The following DMXL1 variants were observed in gnomAD, a reference collection of about 807,000 sequenced individuals.
The protein encoded by DMXL1 is Dmx like 1.
A neutral mutation model predicts 319.2 loss-of-function variants in DMXL1; 99 were observed. The observed-to-expected ratio is 0.31, with a 90% CI of 0.26 to 0.37. The LOEUF is 0.37. Among genes scored for constraint, DMXL1 ranks in the 10% least tolerant of loss-of-function variants. The probability of loss-of-function intolerance (pLI) is 1.00; values close to 1 mark genes in which losing one functional copy is unlikely to be tolerated. For missense variants in DMXL1, 3,745 were observed against 3,595.6 expected (o/e 1.04, Z -1.06); for synonymous variants, 1,385 against 1,235.2 (o/e 1.12, Z -2.54).
intron 32 of DMXL1, 79 bp from the exon 33 acceptor site, chr5:119,203,237 TTTA>T: frequency 1.1e-6 from 1 of 874,606 alleles, no homozygotes; most frequent in Non-Finnish European, 1.7e-6. Flanking sequence ...TTTATTATAA[TTTA>T]TATGGCACCA....
intron 18 of DMXL1, among the ~76,000 whole-genome samples, chr5:119,151,549 C>G (rs1437043341): frequency 6.6e-6 from 1 of 152,066 alleles, no homozygotes; most frequent in African/African-American, 2.4e-5. Context: ...AACTGTTTCT[C>G]CCAGTGTTAA....
At chr5:119,209,274 C>T (rs1044053649) in intron 34 of DMXL1, among the ~76,000 whole-genome samples, 1 of 151,682 alleles carries the variant, frequency 6.6e-6, no homozygotes, top group African/African-American at 2.4e-5. Context: ...TTTTGTGAAA[C>T]TATTCAAATA....
intron 1 of DMXL1, among the ~76,000 whole-genome samples, chr5:119,093,937 A>G (rs1206337955): frequency 1.3e-5 from 2 of 152,230 alleles, no homozygotes; most frequent in Admixed American, 6.5e-5. Flanking sequence ...GGGAGAGGTG[A>G]GGAAGCTGCA....
chr5:119,112,584 C>T (rs13169691), intron 5 of DMXL1, among the ~76,000 whole-genome samples: 15,987 of 152,158 alleles, frequency 0.11, 1,106 homozygotes, highest in Non-Finnish European at 0.16. Flanking sequence ...GGAGCTCGTT[C>T]CATGTATTTT....
Position 119,171,279 on chromosome 5 carries a change from A to G in DMXL1, c.6488A>G (p.Gln2163Arg), listed in dbSNP as rs773004359. 6 of 1,581,970 alleles carry G rather than the reference A, an allele frequency of 3.8e-6. No individual in the cohort carries two copies. In the South Asian group the frequency reaches 4.6e-5, roughly 12 times the overall value. ...ELILLLQESQ[Q>R]ETSEPLFSSP... ...ATTTTGCTTTTGCAAGAATCTCAGC[A>G]GGTATGTAATTTACTTGATAGTCAA... Residue 2163 changes from glutamine (Q) to arginine (R), a missense_variant and splice_region_variant, in exon 24 of 44, where the codon CAG (glutamine) becomes CGG (arginine). Transcript: ENST00000539542.
At chr5:119,171,360 A>C in intron 24 of DMXL1, 80 bp downstream of exon 24, 1 of 1,388,702 alleles carries the variant, frequency 7.2e-7, no homozygotes, top group Non-Finnish European at 9.7e-7. Context: ...TTGAATACTA[A>C]GACTTGATTT....
intron 30 of DMXL1, among the ~76,000 whole-genome samples, chr5:119,195,667 A>T (rs1470924768): frequency 6.6e-6 from 1 of 152,212 alleles, no homozygotes; most frequent in Non-Finnish European, 1.5e-5. Flanking sequence ...TTGCACAGCA[A>T]TGTGAATGTA....
At chr5:119,097,207 T>C (rs112728389) in intron 1 of DMXL1, among the ~76,000 whole-genome samples, 1 of 152,322 alleles carries the variant, frequency 6.6e-6, no homozygotes, top group African/African-American at 2.4e-5. Flanking sequence ...ATTTAGGATA[T>C]TGACCATGGT....
intron 1 of DMXL1, among the ~76,000 whole-genome samples, chr5:119,073,875 A>G (rs941615208): frequency 6.7e-6 from 1 of 150,338 alleles, no homozygotes; most frequent in African/African-American, 2.4e-5. Flanking sequence ...TTCTTCTCTC[A>G]TGTTAAAAGG....
chr5:119,122,430 G>A (rs1458638596), intron 9 of DMXL1, among the ~76,000 whole-genome samples: 1 of 151,054 alleles, frequency 6.6e-6, no homozygotes, highest in African/African-American at 2.4e-5. Flanking sequence ...GCAGCTGGCC[G>A]GGCGGGGGGC....
In DMXL1 at chr5:119,150,394, A is replaced by G. The variant is rs1209990998; in HGVS notation, c.4567A>G (p.Ile1523Val). 6.2e-7 allele frequency: 1 copy of G among 1,612,740 alleles called. No homozygotes were observed. Among genetic ancestry groups the G allele is most frequent in the Non-Finnish European group, 8.5e-7 (1 of 1,179,456 alleles). The change falls in exon 18 of 44, where the codon ATT becomes GTT. Residue 1523 changes from isoleucine to valine, a missense_variant. Transcript: ENST00000539542. Reference sequence around the variant, plus strand: ...TACAATTGCAACTACAAGCACTGATATTGGAGAAAGCCGAGACAGAAGCCA... The same window carrying G: ...TACAATTGCAACTACAAGCACTGATGTTGGAGAAAGCCGAGACAGAAGCCA... ...ADTIATTSTD[I>V]GESRDRSQGG...
chr5:119,203,965 G>C (rs1425560950), intron 33 of DMXL1, among the ~76,000 whole-genome samples: 1 of 152,052 alleles, frequency 6.6e-6, no homozygotes, highest in African/African-American at 2.4e-5. Context: ...TGGGACTACA[G>C]GTGCCCGCCA....
At chr5:119,162,051 A>G (rs1224399856) in intron 19 of DMXL1, among the ~76,000 whole-genome samples, 1 of 152,200 alleles carries the variant, frequency 6.6e-6, no homozygotes, top group Non-Finnish European at 1.5e-5. Flanking sequence ...GAAACATTTT[A>G]GAACACTGGG....
intron 42 of DMXL1, among the ~76,000 whole-genome samples, chr5:119,241,246 C>T (rs1788727987): frequency 6.6e-6 from 1 of 151,948 alleles, no homozygotes; most frequent in Non-Finnish European, 1.5e-5. Context: ...AATTTTCTGT[C>T]TGAGGCCGGG....
chr5:119,222,160 A>C (rs7720231), intron 37 of DMXL1, among the ~76,000 whole-genome samples: 1 of 151,958 alleles, frequency 6.6e-6, no homozygotes, highest in African/African-American at 2.4e-5. Flanking sequence ...TATAGTTGCT[A>C]TAACCTTATA....
chr5:119,216,777 T>A (rs1783775193), intron 34 of DMXL1, 124 bp from the exon 35 acceptor site: 3 of 638,598 alleles, frequency 4.7e-6, no homozygotes, highest in Non-Finnish European at 5.4e-6. Context: ...CAATAATACC[T>A]TTAGAATTGA....
rs781195699 is a variant in DMXL1, at chr5:119,146,968, G to A, written c.2689+12G>A. 3.1e-5 allele frequency: 50 copies of A among 1,607,038 alleles called. No homozygotes were observed. Among genetic ancestry groups the A allele is most frequent in the Middle Eastern group, 1.7e-4 (1 of 6,054 alleles). On this transcript the variant is annotated intron_variant, in intron 16 of 43. Transcript: ENST00000539542. ...TCCTGTCTCATTAGGTGAGTCTTTT[G>A]TGTGTGTGTTTGTGCAACTTTAATA...
chr5:119,230,762 G>A (rs1786548374), intron 38 of DMXL1, among the ~76,000 whole-genome samples: 2 of 152,068 alleles, frequency 1.3e-5, no homozygotes, highest in Non-Finnish European at 2.9e-5. Flanking sequence ...CACGCCTGTA[G>A]TCCCATCTAC....
At chr5:119,079,370 A>G (rs1237860412) in intron 1 of DMXL1, among the ~76,000 whole-genome samples, 1 of 152,210 alleles carries the variant, frequency 6.6e-6, no homozygotes, top group Non-Finnish European at 1.5e-5. Flanking sequence ...CGTGGATCTT[A>G]TCTATTCAGG....
Sources: allele counts gnomAD v4.1 joint callset (sites outside exome capture counted in the v4.1 genomes callset), GRCh38; gene constraint gnomAD v4.1.1; transcripts MANE v1.5; gene names NCBI Gene and HGNC (gene_info 2026-07-23, HGNC 2026-07-21).